Variants in ELAPOR2 observed in about 807,000 individuals in gnomAD.
ELAPOR2 encodes the protein endosome/lysosome-associated apoptosis and autophagy regulator family member 2.
ELAPOR2 carries 89 observed loss-of-function variants against 120.7 expected under a neutral mutation model. The ratio of observed to expected loss-of-function variants is 0.74; its 90% CI spans 0.62 to 0.88. ELAPOR2 has a LOEUF of 0.88. Among genes scored for constraint, ELAPOR2 ranks in the 40% least tolerant of loss-of-function variants. The probability of loss-of-function intolerance (pLI) is 0.00; values close to 1 mark genes in which losing one functional copy is unlikely to be tolerated. For missense variants in ELAPOR2, 1,134 were observed against 1,251.6 expected, an observed-to-expected ratio of 0.91 and a Z score of 1.42; for synonymous variants, 444 against 444.9, an observed-to-expected ratio of 1.00 and a Z score of 0.03.
intron 10 of ELAPOR2, among the ~76,000 whole-genome samples, chr7:86,924,646 TGTC>T (rs1219885947): frequency 6.6e-6 from 1 of 152,056 alleles, no homozygotes; most frequent in African/African-American, 2.4e-5. Flanking sequence ...ACTGAGGCTT[TGTC>T]TTTTCCTCTT....
At chr7:87,037,953 G>T (rs1242839092) in intron 1 of ELAPOR2, among the ~76,000 whole-genome samples, 2 of 151,946 alleles carry the variant, frequency 1.3e-5, no homozygotes, top group African/African-American at 4.8e-5. Context: ...CTTCTATACA[G>T]CCCTGTGAAT....
At chr7:87,053,697 G>A (rs1795181438) in intron 1 of ELAPOR2, among the ~76,000 whole-genome samples, 1 of 152,124 alleles carries the variant, frequency 6.6e-6, no homozygotes, top group South Asian at 2.1e-4. Flanking sequence ...AGAATTCAGA[G>A]AAGAGAAAAG....
intron 2 of ELAPOR2, among the ~76,000 whole-genome samples, chr7:86,948,311 G>T (rs895900919): frequency 6.6e-6 from 1 of 152,138 alleles, no homozygotes. Context: ...GCAGTCAGTT[G>T]TACCTCCCTT....
chr7:86,904,433 G>A (rs956843872), intron 18 of ELAPOR2, among the ~76,000 whole-genome samples: 1 of 152,146 alleles, frequency 6.6e-6, no homozygotes, highest in Admixed American at 6.5e-5. Context: ...AGGAATATCA[G>A]CAGCCTATTG....
intron 10 of ELAPOR2, among the ~76,000 whole-genome samples, chr7:86,920,408 G>A (rs1001400614): frequency 2.0e-5 from 3 of 152,074 alleles, no homozygotes; most frequent in Non-Finnish European, 4.4e-5. Context: ...GGTTTAAAGA[G>A]ACTGTAAACT....
intron 9 of ELAPOR2, among the ~76,000 whole-genome samples, chr7:86,926,266 C>A (rs1453740955): frequency 6.6e-6 from 1 of 151,962 alleles, no homozygotes; most frequent in African/African-American, 2.4e-5. Context: ...AGCCACTTCG[C>A]ATCATCACAT....
chr7:86,958,967 G>T (rs1283291270), intron 2 of ELAPOR2, among the ~76,000 whole-genome samples: 1 of 152,110 alleles, frequency 6.6e-6, no homozygotes, highest in Non-Finnish European at 1.5e-5. Flanking sequence ...ACGAGCATGG[G>T]ATAACTTTCC....
At chr7:86,939,778 T>A (rs1361722841) in intron 6 of ELAPOR2, among the ~76,000 whole-genome samples, 1 of 152,140 alleles carries the variant, frequency 6.6e-6, no homozygotes, top group Non-Finnish European at 1.5e-5. Flanking sequence ...ATTGTCATCA[T>A]GTTTACTTTT....
intron 1 of ELAPOR2, among the ~76,000 whole-genome samples, chr7:86,974,725 T>G (rs1420913054): frequency 6.6e-6 from 1 of 152,048 alleles, no homozygotes; most frequent in Non-Finnish European, 1.5e-5. Context: ...TTATCAAAAT[T>G]TTCTACAGTT....
At chr7:86,986,015 T>C (rs2525533) in intron 1 of ELAPOR2, among the ~76,000 whole-genome samples, 57,034 of 151,408 alleles carry the variant, frequency 0.38, 11,579 homozygotes, top group African/African-American at 0.52. Context: ...CAGGGATGCC[T>C]TCTCTCACCA....
At chr7:87,018,788 C>T (rs535651759) in intron 1 of ELAPOR2, among the ~76,000 whole-genome samples, 36 of 152,268 alleles carry the variant, frequency 2.4e-4, no homozygotes, top group African/African-American at 8.4e-4. Context: ...TCTGAGCTTA[C>T]GGTTCAAATT....
rs557795054 is a variant in ELAPOR2, at chr7:86,999,348, C to T, written c.190-34324G>A. Among the ~76,000 whole-genome samples, 12 of 152,050 alleles carry T rather than the reference C, an allele frequency of 7.9e-5. No individual in the cohort carries two copies. The South Asian group carries it at 2.5e-3, about 32-fold the overall frequency. On this transcript the variant is annotated intron_variant, in intron 1 of 21. Transcript: ENST00000450689. ...TTGCTTTGCTGTAGGAACAAAGAAA[C>T]CTTTCCAAGAAAAGCCCTAGAAGGG... is the stretch of plus-strand genomic sequence containing the variant.
intron 1 of ELAPOR2, among the ~76,000 whole-genome samples, chr7:87,040,576 A>T (rs1794750080): frequency 6.6e-6 from 1 of 151,802 alleles, no homozygotes; most frequent in African/African-American, 2.4e-5. Context: ...AGGAAAACTA[A>T]CAAACAGAAA....
intron 1 of ELAPOR2, among the ~76,000 whole-genome samples, chr7:87,048,926 A>G (rs945520479): frequency 3.3e-5 from 5 of 152,238 alleles, no homozygotes; most frequent in African/African-American, 1.2e-4. Context: ...ATCTCAATTA[A>G]TTAAAAATCC....
At chr7:86,918,610 G>T in intron 11 of ELAPOR2, 66 bp from the exon 12 acceptor site, 1 of 1,038,266 alleles carries the variant, frequency 9.6e-7, no homozygotes, top group Non-Finnish European at 1.5e-6. Context: ...ATAAAATTAA[G>T]CCACTATTTT....
intron 17 of ELAPOR2, 29 bp from the exon 18 acceptor site, chr7:86,907,800 A>G (rs759565977): frequency 1.5e-6 from 2 of 1,335,586 alleles, no homozygotes; most frequent in East Asian, 5.2e-5. Flanking sequence ...CATTTTTAAA[A>G]AACAGATATA....
In ELAPOR2 at chr7:86,885,451, C is replaced by T. The variant is rs114360062; in HGVS notation, c.3031-4921G>A. ...TGCTGGTCAAAAATAAAAGTGAATG[C>T]AAACATCTTGTCTACTGTCAAAGAT... On this transcript the variant is annotated intron_variant, in intron 21 of 21. Transcript: ENST00000450689. 5.7e-3 allele frequency among the ~76,000 whole-genome samples: 874 copies of T among 152,236 alleles called. 11 individuals carry two copies. Among genetic ancestry groups the T allele is most frequent in the African/African-American group, 0.019 (810 of 41,554 alleles).
chr7:86,891,782 T>A lies in ELAPOR2; in HGVS notation c.2972A>T (p.Glu991Val). 6.2e-7 allele frequency: 1 copy of A among 1,612,296 alleles called. No homozygotes were observed. Among genetic ancestry groups the A allele is most frequent in the Non-Finnish European group, 8.5e-7 (1 of 1,178,836 alleles). The change falls in exon 21 of 22, where the codon GAA becomes GTA. Residue 991 changes from glutamate to valine, a missense_variant. By Grantham distance (121) the Glu-to-Val change is moderately radical. Coordinates refer to ENST00000450689, the MANE Select transcript of ELAPOR2 (RefSeq NM_001142749.3). ...AIMEGEDNEE[E>V]VVYSNKQSLL... ...TGACTGTTTATTGGAATATACAACT[T>A]CCTCTTCATTATCTTCTCCTTCCAT...
At chr7:86,905,629 C>A (rs1788975922) in intron 18 of ELAPOR2, among the ~76,000 whole-genome samples, 1 of 151,638 alleles carries the variant, frequency 6.6e-6, no homozygotes, top group South Asian at 2.1e-4. Flanking sequence ...TTTTGAGAAT[C>A]TGTCTCAGAA....
Sources: gnomAD v4.1 joint callset for allele counts (sites outside exome capture counted in the v4.1 genomes callset) on GRCh38, gnomAD v4.1.1 for gene constraint, MANE v1.5 for transcripts, NCBI Gene and HGNC (gene_info 2026-07-23, HGNC 2026-07-21) for gene names.